The following DLGAP1 variants were observed in gnomAD, a reference collection of about 807,000 sequenced individuals.
DLGAP1 encodes the protein DLG associated protein 1.
A neutral mutation model predicts 90.8 loss-of-function variants in DLGAP1; 11 were observed. The observed-to-expected ratio is 0.12, with a 90% CI of 0.08 to 0.20. DLGAP1 has a LOEUF of 0.20. Ranked by LOEUF, DLGAP1 falls within the 10% of genes least tolerant of loss-of-function variation. DLGAP1 has a pLI of 1.00. For missense variants in DLGAP1, 1,050 were observed against 1,333.8 expected, an observed-to-expected ratio of 0.79 and a Z score of 3.31; for synonymous variants, 558 against 540.7, an observed-to-expected ratio of 1.03 and a Z score of -0.44.
In DLGAP1 at chr18:4,253,452, C is replaced by T. The variant is rs578085753; in HGVS notation, c.-266-102165G>A. 1.1e-4 allele frequency among the ~76,000 whole-genome samples: 16 copies of T among 152,128 alleles called. No individual in the cohort carries two copies. In the East Asian group the frequency reaches 3.1e-3, roughly 29 times the overall value. ...TTGAGGCAGAGTCTCACTCTGTCAC[C>T]CAGGCTGGAGTGCAGTGGCACAATC... On this transcript the variant is annotated intron_variant, in intron 1 of 12. Transcript: ENST00000315677.
intron 4 of DLGAP1, among the ~76,000 whole-genome samples, chr18:3,878,024 A>G (rs1166704000): frequency 6.6e-6 from 1 of 152,212 alleles, no homozygotes; most frequent in Non-Finnish European, 1.5e-5. Context: ...GGCATTCCCA[A>G]GGGAGCCAGA....
At chr18:3,535,832 G>C (rs1222568347) in intron 9 of DLGAP1, among the ~76,000 whole-genome samples, 1 of 151,978 alleles carries the variant, frequency 6.6e-6, no homozygotes, top group Non-Finnish European at 1.5e-5. Context: ...GGGAGTTCGA[G>C]ACCAGCCTGA....
At chr18:3,519,419 C>T (rs1276768075) in intron 10 of DLGAP1, among the ~76,000 whole-genome samples, 1 of 152,112 alleles carries the variant, frequency 6.6e-6, no homozygotes, top group Non-Finnish European at 1.5e-5. Context: ...TATTTGGTTA[C>T]CTCCCTCTCT....
intron 1 of DLGAP1, among the ~76,000 whole-genome samples, chr18:4,357,562 A>G (rs571320152): frequency 6.6e-6 from 1 of 152,232 alleles, no homozygotes; most frequent in Non-Finnish European, 1.5e-5. Context: ...CGTGGCCTGA[A>G]TGAATTATTT....
At position 3,814,240 on chromosome 18, in the gene DLGAP1, G is replaced by A. The variant is rs368326898; in HGVS notation, c.991C>T (p.Arg331Ter). Residue 331 changes from arginine (R) to a stop codon, truncating the protein, a stop_gained, in exon 5 of 13, where the codon CGA (arginine) becomes TGA (stop). Transcript: ENST00000315677. LOFTEE classifies it high-confidence loss of function. The part of the protein sequence containing the change: ...PQDEWTGYTP[R>*]GKDDEIPCRR... ...CATGGAATTTCATCATCTTTACCTC[G>A]TGGGGTGTACCCTGTCCATTCATCT... 1.2e-6 allele frequency: 2 copies of A among 1,613,882 alleles called. No individual in the cohort carries two copies. The highest frequency in any genetic ancestry group is 1.7e-6 in the Non-Finnish European group (2 of 1,180,010).
intron 1 of DLGAP1, among the ~76,000 whole-genome samples, chr18:4,168,515 A>G (rs1490525936): frequency 6.6e-6 from 1 of 152,128 alleles, no homozygotes; most frequent in East Asian, 1.9e-4. Flanking sequence ...TCACCTTCCC[A>G]AACTAAAACT....
At chr18:3,996,334 T>C (rs1040531834) in intron 3 of DLGAP1, among the ~76,000 whole-genome samples, 5 of 152,146 alleles carry the variant, frequency 3.3e-5, no homozygotes, top group African/African-American at 1.2e-4. Context: ...AATTTTCATT[T>C]CATTTTAATT....
At chr18:3,685,086 CT>C (rs2060650239) in intron 7 of DLGAP1, among the ~76,000 whole-genome samples, 1 of 152,124 alleles carries the variant, frequency 6.6e-6, no homozygotes, top group Non-Finnish European at 1.5e-5. Context: ...CCTGCATTAC[CT>C]TGTAAAAAAT....
intron 3 of DLGAP1, among the ~76,000 whole-genome samples, chr18:3,975,122 G>A (rs549311485): frequency 6.6e-6 from 1 of 152,052 alleles, no homozygotes; most frequent in South Asian, 2.1e-4. Flanking sequence ...ACAATGTGAA[G>A]GTACTTAACA....
At chr18:4,091,692 C>A (rs997593922) in intron 2 of DLGAP1, among the ~76,000 whole-genome samples, 1 of 152,092 alleles carries the variant, frequency 6.6e-6, no homozygotes, top group Non-Finnish European at 1.5e-5. Context: ...GTTGCTGTTT[C>A]TTTTTCATAG....
chr18:3,593,360 A>G (rs2145588303), intron 7 of DLGAP1, among the ~76,000 whole-genome samples: 1 of 152,338 alleles, frequency 6.6e-6, no homozygotes, highest in South Asian at 2.1e-4. Flanking sequence ...ACCTTATTTC[A>G]AAATATTTAC....
At chr18:4,042,536 G>A (rs950480694) in intron 2 of DLGAP1, among the ~76,000 whole-genome samples, 4 of 152,134 alleles carry the variant, frequency 2.6e-5, no homozygotes, top group Admixed American at 1.3e-4. Context: ...TCAGGAGTTC[G>A]AGACAAGCCT....
chr18:3,543,456 C>T (rs1252239186), intron 9 of DLGAP1, among the ~76,000 whole-genome samples: 1 of 152,154 alleles, frequency 6.6e-6, no homozygotes, highest in Non-Finnish European at 1.5e-5. Context: ...TGAGCCACCT[C>T]ATCCGGCCCC....
At chr18:3,587,673 T>C (rs1334849833) in intron 7 of DLGAP1, among the ~76,000 whole-genome samples, 1 of 152,196 alleles carries the variant, frequency 6.6e-6, no homozygotes, top group African/African-American at 2.4e-5. Context: ...CTGCTCACTC[T>C]TTGGGTCCAC....
chr18:3,510,779 C>T (rs902886084), intron 10 of DLGAP1, among the ~76,000 whole-genome samples: 1 of 152,196 alleles, frequency 6.6e-6, no homozygotes, highest in African/African-American at 2.4e-5. Context: ...GCTGATGGTT[C>T]TCAATTATGT....
chr18:4,027,291 A>G (rs1337796245), intron 2 of DLGAP1, among the ~76,000 whole-genome samples: 2 of 151,960 alleles, frequency 1.3e-5, no homozygotes, highest in African/African-American at 2.4e-5. Flanking sequence ...GGATCACTGG[A>G]GGCCAGGAGT....
At chr18:3,662,259 C>T (rs9958046) in intron 7 of DLGAP1, among the ~76,000 whole-genome samples, 46,277 of 151,922 alleles carry the variant, frequency 0.3, 8,282 homozygotes, top group African/African-American at 0.51. Flanking sequence ...ATTGTTTTAA[C>T]ACTCCTAGGG....
intron 1 of DLGAP1, among the ~76,000 whole-genome samples, chr18:4,281,550 A>G (rs1315386811): frequency 6.6e-6 from 1 of 152,190 alleles, no homozygotes; most frequent in African/African-American, 2.4e-5. Flanking sequence ...GCGAAACTCC[A>G]TCTCAAAAAA....
chr18:3,574,794 ATTTTATTTTATTTTATTTTATTTTAT>A (rs1386067610), intron 8 of DLGAP1, among the ~76,000 whole-genome samples: 12 of 90,430 alleles, frequency 1.3e-4, no homozygotes, highest in East Asian at 7.6e-4. Context: ...ATTTTATTTT[ATTTTATTTTATTTTATTTTATTTTAT>A]TTTATTTATT....
Sources: gnomAD v4.1 joint callset for allele counts (sites outside exome capture counted in the v4.1 genomes callset) on GRCh38, gnomAD v4.1.1 for gene constraint, MANE v1.5 for transcripts, NCBI Gene and HGNC (gene_info 2026-07-23, HGNC 2026-07-21) for gene names.